Variants in DNAAF8 observed in about 807,000 individuals in gnomAD.
The protein encoded by DNAAF8 is dynein axonemal assembly factor 8.
Under a neutral mutation model 54.6 loss-of-function variants are expected in DNAAF8, and 61 were observed. The observed-to-expected ratio is 1.12, with a 90% CI of 0.91 to 1.38. The LOEUF is 1.38. Ranked by LOEUF, DNAAF8 falls within the 40% of genes most tolerant of loss-of-function variation. The pLI, the probability that DNAAF8 is intolerant of heterozygous loss-of-function variation, is 0.00. For synonymous variants in DNAAF8, 320 were observed against 270.1 expected (o/e 1.18, Z -1.81); for missense variants, 837 against 665.0 (o/e 1.26, Z -2.85).
chr16:4,741,626 C>T (rs529478902), intron 4 of DNAAF8, among the ~76,000 whole-genome samples: 52 of 152,122 alleles, frequency 3.4e-4, no homozygotes, highest in African/African-American at 1.1e-3. Flanking sequence ...ATGGTGAAAC[C>T]GTGACTCTAT....
intron 6 of DNAAF8, 53 bp downstream of exon 6, chr16:4,745,064 G>A (rs2081997138): frequency 3.8e-6 from 6 of 1,582,980 alleles, no homozygotes; most frequent in Non-Finnish European, 5.2e-6. Flanking sequence ...TGGCCCCATG[G>A]TTTTGTAGCA....
chr16:4,745,437 A>G (rs1036913489), intron 6 of DNAAF8, among the ~76,000 whole-genome samples: 1 of 152,192 alleles, frequency 6.6e-6, no homozygotes, highest in African/African-American at 2.4e-5. Context: ...TGGAAGGGCA[A>G]CAGCCACCTG....
intron 9 of DNAAF8, 76 bp downstream of exon 9, chr16:4,747,710 C>A: frequency 6.9e-7 from 1 of 1,451,252 alleles, no homozygotes; most frequent in South Asian, 1.4e-5. Flanking sequence ...CCTTGTTGTT[C>A]CTGCATTTCC....
At position 4,744,854 on chromosome 16, in the gene DNAAF8, C is replaced by T. The variant is rs756397697; in HGVS notation, c.902-16C>T. 1.2e-6 allele frequency: 2 copies of T among 1,608,572 alleles called. No homozygotes were observed. The highest frequency in any genetic ancestry group is 1.7e-6 in the Non-Finnish European group (2 of 1,176,700). On this transcript the variant is annotated splice_polypyrimidine_tract_variant and intron_variant, in intron 5 of 9. Coordinates refer to ENST00000299320, the MANE Select transcript of DNAAF8 (RefSeq NM_139170.3). ...CCAAGTCCCCACTAATCAGCCTCTC[C>T]TTTGGCCATCCTCAGACCGCATGGT...
At chr16:4,740,123 G>A (rs969910253) in intron 3 of DNAAF8, 30 bp from the exon 4 acceptor site, 4 of 1,540,486 alleles carry the variant, frequency 2.6e-6, no homozygotes, top group Non-Finnish European at 3.5e-6. Flanking sequence ...TTTTGAGGAT[G>A]CTAACTGAAC....
rs143879065 is a variant in DNAAF8, at chr16:4,737,729, G to A, written c.130-71G>A. 8 of 1,547,904 alleles carry A rather than the reference G, an allele frequency of 5.2e-6. No homozygotes were observed. The East Asian group carries it at 1.1e-4, about 22-fold the overall frequency. On this transcript the variant is annotated intron_variant, in intron 2 of 9. Transcript: ENST00000299320. ...TGGAAGTGAGAGTGGAGAGTGGAGA[G>A]CGGGGGTGGCTAGGCCCTCAGGGCT...
intron 8 of DNAAF8, 111 bp downstream of exon 8, chr16:4,747,136 C>A: frequency 8.1e-7 from 1 of 1,234,804 alleles, no homozygotes; most frequent in Non-Finnish European, 1.1e-6. Context: ...CTGCACCCAC[C>A]GCACAGGGTG....
At position 4,739,534 on chromosome 16, in the gene DNAAF8, C is replaced by T. The variant is rs367773922; in HGVS notation, c.277-619C>T. On this transcript the variant is annotated intron_variant, in intron 3 of 9. Transcript: ENST00000299320. ...CTGTCTTTAGCCAGCCCATATTCAACAGTAGCTTTCCAACTTTTTTTTTTT... is the reference window on the plus strand; with the variant it reads ...CTGTCTTTAGCCAGCCCATATTCAATAGTAGCTTTCCAACTTTTTTTTTTT... 3.3e-5 allele frequency among the ~76,000 whole-genome samples: 5 copies of T among 150,818 alleles called. 1 individual carries two copies. Among genetic ancestry groups the T allele is most frequent in the African/African-American group, 1.2e-4 (5 of 41,132 alleles).
chr16:4,740,412 G>A lies in DNAAF8; in HGVS notation c.536G>A (p.Gly179Glu), dbSNP rs769146817. 1 of 1,614,012 alleles carries A rather than the reference G, an allele frequency of 6.2e-7. No homozygotes were observed. Among genetic ancestry groups the A allele is most frequent in the East Asian group, 2.2e-5 (1 of 44,874 alleles). The change falls in exon 4 of 10, where the codon GGA becomes GAA. Residue 179 changes from glycine to glutamate, a missense_variant. Coordinates refer to ENST00000299320, the MANE Select transcript of DNAAF8 (RefSeq NM_139170.3). The part of the protein sequence containing the change: ...QAEATLSCHE[G>E]DPKAEPLSTA... ...GAAGCCACTCTCTCCTGCCATGAAG[G>A]AGACCCAAAGGCAGAGCCCCTCAGC...
chr16:4,740,802 C>A, intron 4 of DNAAF8, 143 bp downstream of exon 4: 1 of 1,120,834 alleles, frequency 8.9e-7, no homozygotes, highest in South Asian at 1.6e-5. Flanking sequence ...GTGTACCTGT[C>A]TCAGTAGAGG....
intron 5 of DNAAF8, chr16:4,743,511 G>GCA (rs761938209): frequency 9.0e-4 from 53 of 58,864 alleles, no homozygotes; most frequent in African/African-American, 4.6e-3. Context: ...CACCTTCTGT[G>GCA]CGCAGTCAGC....
chr16:4,737,698 C>A, intron 2 of DNAAF8, 102 bp from the exon 3 acceptor site: 1 of 1,423,960 alleles, frequency 7.0e-7, no homozygotes, highest in Non-Finnish European at 9.6e-7. Flanking sequence ...GCTGGGCGGG[C>A]TGGGCTGGAA....
At chr16:4,739,273 T>TC in intron 3 of DNAAF8, among the ~76,000 whole-genome samples, 1 of 135,868 alleles carries the variant, frequency 7.4e-6, no homozygotes, top group East Asian at 2.1e-4. Context: ...TTGTTTTTTT[T>TC]TTTTTTTTTT....
In DNAAF8 at chr16:4,743,151, C is replaced by T. The variant is rs753451909; in HGVS notation, c.892C>T (p.Gln298Ter). Residue 298 changes from glutamine (Q) to a stop codon, truncating the protein, a stop_gained, in exon 5 of 10, where the codon CAA becomes TAA. Coordinates refer to ENST00000299320, the MANE Select transcript of DNAAF8 (RefSeq NM_139170.3). LOFTEE classifies it high-confidence loss of function. ...TGTGTGGTGGGCAGCTGACCACCGC[C>T]AAGTTCAAGGTCTGACCTTGAACAC... ...GTVWWAADHR[Q>*]VQDRMVPSAH... 3.7e-6 allele frequency: 6 copies of T among 1,600,008 alleles called. No individual in the cohort carries two copies. The highest frequency in any genetic ancestry group is 5.1e-6 in the Non-Finnish European group (6 of 1,170,792).
chr16:4,745,106 A>G, intron 6 of DNAAF8, 95 bp downstream of exon 6: 11 of 1,442,210 alleles, frequency 7.6e-6, no homozygotes, highest in South Asian at 6.3e-5. Flanking sequence ...GGGGCACTCC[A>G]TGTGCATTTT....
rs1450865467 is a variant in DNAAF8, at chr16:4,747,522, G to A, written c.1460G>A (p.Ser487Asn). Residue 487 changes from serine to asparagine, a missense_variant, in exon 9 of 10, where the codon AGC (serine) becomes AAC (asparagine). Transcript: ENST00000299320. ...QHMKLCAKGQSAQARLPRGRP... is the reference protein window; with the variant it reads ...QHMKLCAKGQNAQARLPRGRP... ...ATGAAGCTCTGTGCCAAGGGGCAGA[G>A]CGCCCAGGCTCGACTCCCAAGAGGC... The A allele has an allele frequency of 1.9e-6, 3 of 1,613,182 alleles. No individual in the cohort carries two copies. Among genetic ancestry groups the A allele is most frequent in the Admixed American group, 3.3e-5 (2 of 60,006 alleles).
chr16:4,742,457 AAGGCGGAG>A (rs1446397372), intron 4 of DNAAF8, among the ~76,000 whole-genome samples: 1 of 151,536 alleles, frequency 6.6e-6, no homozygotes. Flanking sequence ...TTGGGAGGTG[AAGGCGGAG>A]GTGGAGGCAG....
chr16:4,741,539 C>T (rs2081961276), intron 4 of DNAAF8, among the ~76,000 whole-genome samples: 3 of 152,286 alleles, frequency 2.0e-5, no homozygotes, highest in East Asian at 1.9e-4. Flanking sequence ...ATGGCTCACG[C>T]TTGTAATCCC....
At chr16:4,746,296 T>G in intron 6 of DNAAF8, 79 bp from the exon 7 acceptor site, 1 of 1,451,024 alleles carries the variant, frequency 6.9e-7, no homozygotes, top group Non-Finnish European at 9.4e-7. Flanking sequence ...CCACGAGCAC[T>G]GTGACTGGAC....
Sources: allele counts gnomAD v4.1 joint callset (sites outside exome capture counted in the v4.1 genomes callset), GRCh38; gene constraint gnomAD v4.1.1; transcripts MANE v1.5; gene names NCBI Gene and HGNC (gene_info 2026-07-23, HGNC 2026-07-21).